Variants in PTPRG observed in about 807,000 individuals in gnomAD.
PTPRG encodes protein tyrosine phosphatase receptor type G.
PTPRG carries 102 observed loss-of-function variants against 165.3 expected under a neutral mutation model. That is an observed-to-expected ratio of 0.62 (90% confidence interval 0.53 to 0.73). The LOEUF is 0.73. Ranked by LOEUF, PTPRG falls within the 30% of genes least tolerant of loss-of-function variation. PTPRG has a pLI of 0.00. For synonymous variants in PTPRG, 675 were observed against 669.5 expected (o/e 1.01, Z -0.13); for missense variants, 1,866 against 1,861.4 (o/e 1.00, Z -0.05).
chr3:62,232,336 A>G (rs1700920907), intron 14 of PTPRG, among the ~76,000 whole-genome samples: 1 of 152,044 alleles, frequency 6.6e-6, no homozygotes, highest in African/African-American at 2.4e-5. Context: ...AACTGCTAAC[A>G]CTGGTAACTA....
chr3:61,932,386 A>G (rs2127298), intron 2 of PTPRG, among the ~76,000 whole-genome samples: 116,673 of 152,210 alleles, frequency 0.77, 44,987 homozygotes, highest in Middle Eastern at 0.85. Context: ...GATTATTTCT[A>G]GCAGCCTCAG....
At chr3:62,145,916 C>G (rs1297189068) in intron 6 of PTPRG, among the ~76,000 whole-genome samples, 1 of 152,192 alleles carries the variant, frequency 6.6e-6, no homozygotes, top group Non-Finnish European at 1.5e-5. Context: ...CTTCTAAGTC[C>G]CAGCATCGAC....
At chr3:61,907,929 C>CAACCTA (rs1553689404) in intron 2 of PTPRG, among the ~76,000 whole-genome samples, 1 of 150,606 alleles carries the variant, frequency 6.6e-6, no homozygotes, top group Non-Finnish European at 1.5e-5. Flanking sequence ...AGTTTGATGC[C>CAACCTA]AGCAACATAG....
At chr3:61,996,951 C>T (rs1490331613) in intron 3 of PTPRG, among the ~76,000 whole-genome samples, 1 of 152,198 alleles carries the variant, frequency 6.6e-6, no homozygotes, top group African/African-American at 2.4e-5. Flanking sequence ...ACAGAAGCCT[C>T]ATTAACCAAT....
intron 28 of PTPRG, among the ~76,000 whole-genome samples, chr3:62,288,472 A>T (rs1475801006): frequency 6.6e-6 from 1 of 152,146 alleles, no homozygotes; most frequent in African/African-American, 2.4e-5. Flanking sequence ...CAGGAGTTCA[A>T]GACCAGCCTG....
intron 4 of PTPRG, among the ~76,000 whole-genome samples, chr3:62,032,100 CT>C (rs1444904733): frequency 6.6e-6 from 1 of 152,142 alleles, no homozygotes; most frequent in African/African-American, 2.4e-5. Context: ...ACTGGTTCCC[CT>C]GAGCTGTGAG....
intron 6 of PTPRG, among the ~76,000 whole-genome samples, chr3:62,154,071 G>A (rs1177394233): frequency 6.6e-6 from 1 of 152,168 alleles, no homozygotes; most frequent in African/African-American, 2.4e-5. Flanking sequence ...TAAAGTCAAA[G>A]AATTGGACTA....
chr3:62,098,017 A>C (rs1486002350), intron 5 of PTPRG, among the ~76,000 whole-genome samples: 2 of 152,220 alleles, frequency 1.3e-5, no homozygotes, highest in African/African-American at 2.4e-5. Context: ...GAGATTTAAT[A>C]ATTCTAATTC....
chr3:61,754,406 T>C (rs930518974), intron 2 of PTPRG, among the ~76,000 whole-genome samples: 5 of 152,240 alleles, frequency 3.3e-5, no homozygotes, highest in Admixed American at 1.3e-4. Flanking sequence ...CACTACACTG[T>C]TCATATAAAC....
chr3:62,002,175 G>C (rs984809256), intron 3 of PTPRG, among the ~76,000 whole-genome samples: 1 of 152,160 alleles, frequency 6.6e-6, no homozygotes, highest in Non-Finnish European at 1.5e-5. Flanking sequence ...CCTTTATATA[G>C]AGAAGTACTG....
chr3:62,234,038 A>G (rs755290575), intron 14 of PTPRG, among the ~76,000 whole-genome samples: 11 of 152,178 alleles, frequency 7.2e-5, no homozygotes, highest in Admixed American at 2.6e-4. Context: ...ATTGTTACAC[A>G]TATATAATAT....
At chr3:61,765,676 G>C (rs1184282176) in intron 2 of PTPRG, among the ~76,000 whole-genome samples, 2 of 152,168 alleles carry the variant, frequency 1.3e-5, no homozygotes, top group Admixed American at 1.3e-4. Context: ...AGGCTACCGT[G>C]ATCCAGCTTT....
chr3:62,045,182 G>T (rs1044685990), intron 4 of PTPRG, among the ~76,000 whole-genome samples: 2 of 152,100 alleles, frequency 1.3e-5, no homozygotes, highest in Non-Finnish European at 2.9e-5. Context: ...AACCGTCTTA[G>T]GTTGAATATT....
At chr3:62,136,175 G>T (rs1431983146) in intron 6 of PTPRG, among the ~76,000 whole-genome samples, 4 of 152,136 alleles carry the variant, frequency 2.6e-5, no homozygotes, top group Non-Finnish European at 5.9e-5. Flanking sequence ...GGCTCATTCT[G>T]TCCGTAGTTA....
At chr3:61,567,839 C>T (rs2106763609) in intron 1 of PTPRG, among the ~76,000 whole-genome samples, 1 of 151,516 alleles carries the variant, frequency 6.6e-6, no homozygotes, top group Non-Finnish European at 1.5e-5. Flanking sequence ...CAAAAATTAG[C>T]TGTACTTGGT....
intron 2 of PTPRG, among the ~76,000 whole-genome samples, chr3:61,979,245 C>G (rs1203457407): frequency 6.6e-6 from 1 of 152,196 alleles, no homozygotes; most frequent in Admixed American, 6.5e-5. Context: ...CTTTGCACAG[C>G]ACCGTTACTG....
intron 3 of PTPRG, among the ~76,000 whole-genome samples, chr3:61,995,673 TGCCC>T (rs879738322): frequency 6.2e-5 from 7 of 113,528 alleles, no homozygotes; most frequent in South Asian, 6.4e-4. Context: ...TCCGCCTGCC[TGCCC>T]GCCCGCCTTC....
At chr3:61,888,024 C>A (rs1014087380) in intron 2 of PTPRG, among the ~76,000 whole-genome samples, 3 of 152,162 alleles carry the variant, frequency 2.0e-5, no homozygotes, top group Admixed American at 2.0e-4. Flanking sequence ...GTCAAAGACA[C>A]AGAAGGCGCT....
Position 61,989,884 on chromosome 3 carries a change from C to T in PTPRG, c.370+80C>T. 4 of 1,494,984 alleles carry T rather than the reference C, an allele frequency of 2.7e-6. No individual in the cohort carries two copies. In the South Asian group the frequency reaches 5.1e-5, roughly 19 times the overall value. The allele number at this position is 1,494,984 out of a possible 1,614,324, so 92.6% of individuals were successfully genotyped here. A position where few individuals can be genotyped will look rare whatever the true frequency, so the allele number is the denominator to read the frequency against. On this transcript the variant is annotated intron_variant, in intron 3 of 29. Coordinates refer to ENST00000474889, the MANE Select transcript of PTPRG (RefSeq NM_002841.4). ...TCTCTGGTGTTTTCCTTAACCATGA[C>T]TTGCTCCTTAAATAGTGCACATTGC...
Sources: gnomAD v4.1 joint callset for allele counts (sites outside exome capture counted in the v4.1 genomes callset) on GRCh38, gnomAD v4.1.1 for gene constraint, MANE v1.5 for transcripts, NCBI Gene and HGNC (gene_info 2026-07-23, HGNC 2026-07-21) for gene names.